Variants in VWC2 observed in about 807,000 individuals in gnomAD.
The protein encoded by VWC2 is brorin.
In VWC2, 14 loss-of-function variants were observed where a neutral mutation model predicts 29.8. That is an observed-to-expected ratio of 0.47 (90% CI 0.31 to 0.74). VWC2 has a LOEUF of 0.74. Among genes scored for constraint, VWC2 ranks in the 30% least tolerant of loss-of-function variants. VWC2 has a pLI of 0.05. For missense variants in VWC2, 457 were observed against 459.8 expected (o/e 0.99, Z 0.05); for synonymous variants, 213 against 199.0 (o/e 1.07, Z -0.59).
At position 49,775,730 on chromosome 7, in the gene VWC2, TC is replaced by T; in HGVS notation, c.298del (p.Gln100ArgfsTer186). On this transcript the variant is annotated frameshift_variant, in exon 2 of 4. Transcript: ENST00000340652. LOFTEE classifies it high-confidence loss of function. ...GAGCAAGCTGAAGCAGGCCTGGGTC[TC>T]CCAGGGCGGGGGCGCCAAGGCCGGG... ...PWSKLKQAWV[S>X]QGGGAKAGDL... 6.6e-7 allele frequency: 1 copy of T among 1,515,150 alleles called. No homozygotes were observed. The allele number at this position is 1,515,150 out of a possible 1,614,324, so 93.9% of individuals were successfully genotyped here.
At chr7:49,857,912 C>G (rs1472890943) in intron 3 of VWC2, among the ~76,000 whole-genome samples, 1 of 152,148 alleles carries the variant, frequency 6.6e-6, no homozygotes, top group Non-Finnish European at 1.5e-5. Flanking sequence ...TTTGGTGTTT[C>G]CACAGGTCTA....
intron 3 of VWC2, among the ~76,000 whole-genome samples, chr7:49,852,663 G>A (rs1166612206): frequency 3.3e-5 from 5 of 151,796 alleles, no homozygotes; most frequent in Non-Finnish European, 7.4e-5. Flanking sequence ...TCTTCAGAAA[G>A]AGCCCTACCA....
At chr7:49,813,450 GC>G (rs1169920464) in intron 3 of VWC2, among the ~76,000 whole-genome samples, 1 of 152,212 alleles carries the variant, frequency 6.6e-6, no homozygotes, top group Non-Finnish European at 1.5e-5. Context: ...TTCTGTTGCT[GC>G]TGGTCTTCTG....
chr7:49,875,369 C>CAAAAAAAAAAAAAAAAAAAAAAAAAAA (rs71018432), intron 3 of VWC2, among the ~76,000 whole-genome samples: 1 of 19,016 alleles, frequency 5.3e-5, no homozygotes, highest in Non-Finnish European at 8.5e-5. Flanking sequence ...GATTCTGACT[C>CAAAAAAAAAAAAAAAAAAAAAAAAAAA]AAAAAAAAAA....
intron 3 of VWC2, among the ~76,000 whole-genome samples, chr7:49,830,816 G>C (rs1341305080): frequency 6.6e-6 from 1 of 152,022 alleles, no homozygotes; most frequent in African/African-American, 2.4e-5. Context: ...ATGATTTCCA[G>C]CTTCATCCAT....
At chr7:49,807,215 T>G (rs1258042510) in intron 3 of VWC2, among the ~76,000 whole-genome samples, 1 of 152,216 alleles carries the variant, frequency 6.6e-6, no homozygotes, top group Non-Finnish European at 1.5e-5. Flanking sequence ...GATGTGAGTC[T>G]GCTTCAAAGT....
chr7:49,815,438 A>C (rs777981267), intron 3 of VWC2, among the ~76,000 whole-genome samples: 2 of 152,214 alleles, frequency 1.3e-5, no homozygotes, highest in Non-Finnish European at 1.5e-5. Context: ...TTGTTTTAAA[A>C]AAGGTTGTGT....
chr7:49,857,166 C>T (rs1446551700), intron 3 of VWC2, among the ~76,000 whole-genome samples: 1 of 152,100 alleles, frequency 6.6e-6, no homozygotes, highest in Non-Finnish European at 1.5e-5. Flanking sequence ...ACTTTATACC[C>T]ATTCAACAAC....
chr7:49,847,422 C>A (rs13237042), intron 3 of VWC2, among the ~76,000 whole-genome samples: 26,855 of 151,942 alleles, frequency 0.18, 3,097 homozygotes, highest in African/African-American at 0.32. Flanking sequence ...GGCTTGAGCA[C>A]AGAGCCTTGC....
intron 3 of VWC2, among the ~76,000 whole-genome samples, chr7:49,835,051 G>A (rs746118269): frequency 1.3e-5 from 2 of 152,216 alleles, no homozygotes; most frequent in African/African-American, 2.4e-5. Context: ...GTTACAGACA[G>A]GTTCTTAAAG....
chr7:49,789,906 GCTCCGGGGGGCC>G (rs1340510314), intron 2 of VWC2, among the ~76,000 whole-genome samples: 6 of 152,236 alleles, frequency 3.9e-5, no homozygotes, highest in African/African-American at 1.4e-4. Context: ...TGGCCCTGGT[GCTCCGGGGGGCC>G]CTACGGCCCC....
At chr7:49,889,650 C>T (rs1451109568) in intron 3 of VWC2, among the ~76,000 whole-genome samples, 2 of 152,148 alleles carry the variant, frequency 1.3e-5, no homozygotes, top group African/African-American at 4.8e-5. Context: ...CTTTTTGCTC[C>T]TTAAGTTTGC....
chr7:49,901,584 T>A (rs1397112699), intron 3 of VWC2, among the ~76,000 whole-genome samples: 1 of 151,610 alleles, frequency 6.6e-6, no homozygotes, highest in African/African-American at 2.4e-5. Flanking sequence ...ATGTTTCAAG[T>A]TCATGGATAG....
intron 3 of VWC2, among the ~76,000 whole-genome samples, chr7:49,820,933 G>A (rs1351767682): frequency 1.3e-5 from 2 of 152,198 alleles, no homozygotes; most frequent in Non-Finnish European, 2.9e-5. Context: ...GCAGTGATGA[G>A]CGTGGTCAGG....
At chr7:49,843,417 AT>A (rs1204642742) in intron 3 of VWC2, among the ~76,000 whole-genome samples, 3 of 152,234 alleles carry the variant, frequency 2.0e-5, no homozygotes, top group Middle Eastern at 3.4e-3. Flanking sequence ...GTTTTCAGAG[AT>A]TGTTTATATG....
intron 3 of VWC2, among the ~76,000 whole-genome samples, chr7:49,810,161 A>G (rs1377962552): frequency 6.6e-6 from 1 of 152,016 alleles, no homozygotes; most frequent in Non-Finnish European, 1.5e-5. Flanking sequence ...ATGCACACAC[A>G]TACACATGCA....
chr7:49,853,626 T>C (rs1790288342), intron 3 of VWC2, among the ~76,000 whole-genome samples: 1 of 152,168 alleles, frequency 6.6e-6, no homozygotes, highest in African/African-American at 2.4e-5. Flanking sequence ...ATACTTTACG[T>C]AACATAAAGT....
Position 49,917,049 on chromosome 7 carries a change from A to T in VWC2, c.*4864A>T, listed in dbSNP as rs1414266978. On this transcript the variant is annotated 3_prime_UTR_variant, in exon 4 of 4. Coordinates refer to ENST00000340652, the MANE Select transcript of VWC2 (RefSeq NM_198570.5). ...TTACTTTCTTATTTCTAATTTTTGG[A>T]AAACAATTTTCTTAGACTTTCATTT... is the stretch of plus-strand genomic sequence containing the variant. 1 of 152,168 alleles carries T rather than the reference A, an allele frequency of 6.6e-6. No individual in the cohort carries two copies. The highest frequency in any genetic ancestry group is 2.4e-5 in the African/African-American group (1 of 41,444). The allele number at this position is 152,168 out of a possible 1,614,324, so 9.4% of individuals were successfully genotyped here. A position where few individuals can be genotyped will look rare whatever the true frequency, so the allele number is the denominator to read the frequency against.
At chr7:49,867,381 G>T (rs1366348178) in intron 3 of VWC2, among the ~76,000 whole-genome samples, 1 of 152,194 alleles carries the variant, frequency 6.6e-6, no homozygotes, top group African/African-American at 2.4e-5. Context: ...CTGCTCCCTA[G>T]CACAGAGAGG....
Sources: gnomAD v4.1 joint callset for allele counts (sites outside exome capture counted in the v4.1 genomes callset) on GRCh38, gnomAD v4.1.1 for gene constraint, MANE v1.5 for transcripts, NCBI Gene and HGNC (gene_info 2026-07-23, HGNC 2026-07-21) for gene names.